SCARA5: variants seen among roughly 807,000 people sequenced by gnomAD.
SCARA5 encodes the protein scavenger receptor class A member 5.
Under a neutral mutation model 46.3 loss-of-function variants are expected in SCARA5, and 45 were observed. The observed-to-expected ratio is 0.97, with a 90% CI of 0.76 to 1.24. The LOEUF (loss-of-function observed/expected upper bound fraction) is 1.24, where lower values mean the gene tolerates loss of function less well. Among genes scored for constraint, SCARA5 ranks in the 50% most tolerant of loss-of-function variants. The probability of loss-of-function intolerance (pLI) is 0.00; values close to 1 mark genes in which losing one functional copy is unlikely to be tolerated. For synonymous variants in SCARA5, 333 were observed against 306.5 expected (o/e 1.09, Z -0.90); for missense variants, 680 against 689.0 (o/e 0.99, Z 0.15).
At chr8:27,978,953 G>A (rs1297504292) in intron 2 of SCARA5, among the ~76,000 whole-genome samples, 4 of 152,006 alleles carry the variant, frequency 2.6e-5, no homozygotes, top group Non-Finnish European at 2.9e-5. Context: ...CAGGATCCAC[G>A]TTATCAGGTA....
intron 2 of SCARA5, among the ~76,000 whole-genome samples, chr8:27,972,190 A>AC (rs992146338): frequency 7.2e-5 from 11 of 151,908 alleles, no homozygotes; most frequent in African/African-American, 1.9e-4. Context: ...GGCGGCAGGC[A>AC]CCTGTAACCC....
intron 2 of SCARA5, among the ~76,000 whole-genome samples, chr8:27,975,679 T>C (rs1239013810): frequency 3.3e-5 from 5 of 150,688 alleles, no homozygotes; most frequent in Non-Finnish European, 7.5e-5. Context: ...AGTGAGCGAA[T>C]AGAAAAAAAC....
At chr8:27,990,970 G>A (rs552457266) in intron 1 of SCARA5, among the ~76,000 whole-genome samples, 2 of 152,362 alleles carry the variant, frequency 1.3e-5, no homozygotes, top group South Asian at 4.1e-4. Flanking sequence ...TCAGAGCCAG[G>A]GATCTGCTTC....
chr8:27,966,537 A>T lies in SCARA5; in HGVS notation c.118T>A (p.Cys40Ser). 1.2e-6 allele frequency: 2 copies of T among 1,611,992 alleles called. No homozygotes were observed. The highest frequency in any genetic ancestry group is 1.7e-6 in the Non-Finnish European group (2 of 1,179,370). Reference sequence around the variant, plus strand: ...CAGATGCTTGCCCGCCGTTTGTGACATGGACCTGGACAATAAGGGTAAGAG... The same window carrying T: ...CAGATGCTTGCCCGCCGTTTGTGACTTGGACCTGGACAATAAGGGTAAGAG... The part of the protein sequence containing the change: ...SKLNLCEDGP[C>S]HKRRASICCT... The change falls in exon 3 of 9, where the codon TGT (cysteine) becomes AGT (serine). Residue 40 changes from cysteine (C) to serine (S), a missense_variant. Coordinates refer to ENST00000354914, the MANE Select transcript of SCARA5 (RefSeq NM_173833.6).
At chr8:27,896,151 T>C (rs1342883842) in intron 7 of SCARA5, among the ~76,000 whole-genome samples, 2 of 152,146 alleles carry the variant, frequency 1.3e-5, no homozygotes. Context: ...CAGAAAGAAA[T>C]GCTGGAGAGC....
At chr8:27,960,357 C>T (rs891226225) in intron 3 of SCARA5, among the ~76,000 whole-genome samples, 2 of 151,862 alleles carry the variant, frequency 1.3e-5, no homozygotes, top group African/African-American at 2.4e-5. Flanking sequence ...TTTAATTATT[C>T]GTAGAGATGA....
At chr8:27,903,320 G>A (rs528944260) in intron 7 of SCARA5, 3 of 152,348 alleles carry the variant, frequency 2.0e-5, no homozygotes, top group Non-Finnish European at 2.9e-5. Flanking sequence ...GGCAGTTGAA[G>A]TGTCTGATGT....
At chr8:27,891,876 T>C (rs576879205) in intron 7 of SCARA5, among the ~76,000 whole-genome samples, 3 of 152,364 alleles carry the variant, frequency 2.0e-5, no homozygotes, top group South Asian at 4.1e-4. Context: ...GCAATAGTTA[T>C]CGCTGATTAC....
At position 27,879,780 on chromosome 8, in the gene SCARA5, C is replaced by T; in HGVS notation, c.1154-14G>A. On this transcript the variant is annotated splice_polypyrimidine_tract_variant and intron_variant, in intron 7 of 8. Coordinates refer to ENST00000354914, the MANE Select transcript of SCARA5 (RefSeq NM_173833.6). ...CCTCCACGCCACCTGCCGGAGCAGC[C>T]AACTGTCACTACCCAGCTCTAGATA... 6.2e-7 allele frequency: 1 copy of T among 1,611,816 alleles called. No homozygotes were observed. The highest frequency in any genetic ancestry group is 8.5e-7 in the Non-Finnish European group (1 of 1,179,820).
intron 1 of SCARA5, among the ~76,000 whole-genome samples, chr8:27,990,500 C>A (rs139664870): frequency 2.8e-4 from 42 of 152,194 alleles, no homozygotes; most frequent in African/African-American, 9.4e-4. Flanking sequence ...CATTTGCATT[C>A]CGTCCCTCCC....
Position 27,871,681 on chromosome 8 carries a change from G to T in SCARA5, c.*253C>A. ...GGCTGGGCAAAGTGGTGATCCAGTTGATCAGGGCTCCTCATGCAGGAACCT... is the reference window on the plus strand; with the variant it reads ...GGCTGGGCAAAGTGGTGATCCAGTTTATCAGGGCTCCTCATGCAGGAACCT... On this transcript the variant is annotated 3_prime_UTR_variant, in exon 9 of 9. Coordinates refer to ENST00000354914, the MANE Select transcript of SCARA5 (RefSeq NM_173833.6). 1 of 1,370,310 alleles carries T rather than the reference G, an allele frequency of 7.3e-7. No homozygotes were observed. The highest frequency in any genetic ancestry group is 9.4e-7 in the Non-Finnish European group (1 of 1,060,132). The allele number at this position is 1,370,310 out of a possible 1,614,324, so 84.9% of individuals were successfully genotyped here. A position where few individuals can be genotyped will look rare whatever the true frequency, so the allele number is the denominator to read the frequency against.
intron 7 of SCARA5, among the ~76,000 whole-genome samples, chr8:27,894,549 G>A (rs1029202244): frequency 1.3e-5 from 2 of 152,184 alleles, no homozygotes; most frequent in East Asian, 1.9e-4. Context: ...TAAACAATTC[G>A]TAGGTGATTT....
chr8:27,954,480 G>T (rs576431298), intron 3 of SCARA5, among the ~76,000 whole-genome samples: 1 of 152,254 alleles, frequency 6.6e-6, no homozygotes, highest in South Asian at 2.1e-4. Flanking sequence ...ACACTAAGGG[G>T]TGCTCTTTTT....
rs116474150 is a variant in SCARA5, at chr8:27,967,455, T to A, written c.113-913A>T. Among the ~76,000 whole-genome samples, 403 of 151,704 alleles carry A rather than the reference T, an allele frequency of 2.7e-3. 1 individual carries two copies. The highest frequency in any genetic ancestry group is 9.4e-3 in the African/African-American group (388 of 41,316). On this transcript the variant is annotated intron_variant, in intron 2 of 8. Coordinates refer to ENST00000354914, the MANE Select transcript of SCARA5 (RefSeq NM_173833.6). ...CTCCAGCTGCTCTGTTGACTGGAAG[T>A]GGAAAGAAGGGATCCTCTCCCTGAT... is the stretch of plus-strand genomic sequence containing the variant.
At chr8:27,923,432 C>T (rs541996141) in intron 3 of SCARA5, among the ~76,000 whole-genome samples, 4 of 152,346 alleles carry the variant, frequency 2.6e-5, no homozygotes, top group East Asian at 3.9e-4. Context: ...TCTCCAACAG[C>T]CCTGTCTCAA....
At chr8:27,931,845 C>T (rs185845425) in intron 3 of SCARA5, among the ~76,000 whole-genome samples, 21 of 152,068 alleles carry the variant, frequency 1.4e-4, no homozygotes, top group East Asian at 5.8e-4. Context: ...AGTAGAGACG[C>T]GTTCCACCAT....
chr8:27,921,679 C>G lies in SCARA5; in HGVS notation c.808G>C (p.Glu270Gln). The change falls in exon 4 of 9, where the codon GAG becomes CAG. Residue 270 changes from glutamate (E) to glutamine (Q), a missense_variant. This residue lies in a region of SCARA5 where 438 missense variants were observed against 384.5 expected (regional missense o/e 1.14). Coordinates refer to ENST00000354914, the MANE Select transcript of SCARA5 (RefSeq NM_173833.6). The stretch of plus-strand genomic sequence containing the variant: ...GCCAGCTCCTGCTTCAGCTGCAGCT[C>G]CATGCCTACGTGCGCCAGGCGCAGG... ...RRLRLAHVGM[E>Q]LQLKQELAML... 1 of 1,608,894 alleles carries G rather than the reference C, an allele frequency of 6.2e-7. No individual in the cohort carries two copies. The highest frequency in any genetic ancestry group is 8.5e-7 in the Non-Finnish European group (1 of 1,177,928).
intron 3 of SCARA5, among the ~76,000 whole-genome samples, chr8:27,965,635 T>G (rs1275936571): frequency 6.6e-6 from 1 of 152,248 alleles, no homozygotes; most frequent in South Asian, 2.1e-4. Flanking sequence ...CAGGTACTCA[T>G]GTGAGACATG....
chr8:27,979,992 C>T (rs1443287467), intron 2 of SCARA5, among the ~76,000 whole-genome samples: 2 of 152,166 alleles, frequency 1.3e-5, no homozygotes, highest in East Asian at 1.9e-4. Flanking sequence ...CGTGCCCACA[C>T]CCTGAATTTC....
Sources: allele counts gnomAD v4.1 joint callset (sites outside exome capture counted in the v4.1 genomes callset), GRCh38; gene constraint gnomAD v4.1.1; regional missense constraint gnomAD v4.1.1; transcripts MANE v1.5; gene names NCBI Gene and HGNC (gene_info 2026-07-23, HGNC 2026-07-21).